The following WWC2 variants were observed in gnomAD, a reference collection of about 807,000 sequenced individuals.
The protein encoded by WWC2 is protein WWC2.
A neutral mutation model predicts 138.5 loss-of-function variants in WWC2; 101 were observed. The observed-to-expected ratio is 0.73, with a 90% CI of 0.62 to 0.86. WWC2 has a LOEUF of 0.86. WWC2 is among the 40% of genes least tolerant of loss of function. The pLI, the probability that WWC2 is intolerant of heterozygous loss-of-function variation, is 0.00. For synonymous variants in WWC2, 558 were observed against 538.4 expected (o/e 1.04, Z -0.50); for missense variants, 1,420 against 1,419.4 (o/e 1.00, Z -0.01).
At chr4:183,233,148 CTTTTTT>C (rs543576361) in intron 4 of WWC2, among the ~76,000 whole-genome samples, 41 of 84,772 alleles carry the variant, frequency 4.8e-4, no homozygotes, top group African/African-American at 1.9e-3. Context: ...CTTTTTAAAC[CTTTTTT>C]TTTTTTTTTT....
At chr4:183,300,700 A>G (rs1201412653) in intron 21 of WWC2, among the ~76,000 whole-genome samples, 2 of 152,040 alleles carry the variant, frequency 1.3e-5, no homozygotes, top group East Asian at 1.9e-4. Context: ...TCAGTAAAGT[A>G]TATTCTTACT....
At chr4:183,171,561 T>C (rs1734280585) in intron 1 of WWC2, among the ~76,000 whole-genome samples, 1 of 152,180 alleles carries the variant, frequency 6.6e-6, no homozygotes, top group African/African-American at 2.4e-5. Flanking sequence ...AGGGAAACTT[T>C]TCTGACTTTT....
Position 183,319,882 on chromosome 4 carries a change from C to G in WWC2, c.*4153C>G. The G allele has an allele frequency of 1.2e-6, 2 of 1,613,920 alleles. No homozygotes were observed. Among genetic ancestry groups the G allele is most frequent in the Non-Finnish European group, 1.7e-6 (2 of 1,179,864 alleles). On this transcript the variant is annotated 3_prime_UTR_variant, in exon 23 of 23. Transcript: ENST00000403733. ...AGGATCAGCAGTCGCCTCTTGAGATCTCTCTGACTCTCTCCAATTCTCAAA... is the reference window on the plus strand; with the variant it reads ...AGGATCAGCAGTCGCCTCTTGAGATGTCTCTGACTCTCTCCAATTCTCAAA...
At chr4:183,294,369 A>G (rs537919757) in intron 21 of WWC2, among the ~76,000 whole-genome samples, 1 of 152,342 alleles carries the variant, frequency 6.6e-6, no homozygotes, top group Admixed American at 6.5e-5. Flanking sequence ...TAACAAGGAG[A>G]GGGACTTGCC....
intron 1 of WWC2, among the ~76,000 whole-genome samples, chr4:183,146,039 A>G (rs1394871208): frequency 6.6e-6 from 1 of 152,204 alleles, no homozygotes; most frequent in Non-Finnish European, 1.5e-5. Context: ...TCTCATATCG[A>G]TGGTAGGAAG....
intron 1 of WWC2, among the ~76,000 whole-genome samples, chr4:183,099,859 T>C (rs927239890): frequency 2.0e-5 from 3 of 152,094 alleles, no homozygotes; most frequent in African/African-American, 7.2e-5. Context: ...CTGGAGTCGC[T>C]GCCCCGGGCC....
At chr4:183,182,038 C>T (rs572339144) in intron 1 of WWC2, among the ~76,000 whole-genome samples, 5 of 152,228 alleles carry the variant, frequency 3.3e-5, no homozygotes, top group African/African-American at 1.2e-4. Context: ...ATTATATCTA[C>T]ATATGTATAT....
intron 11 of WWC2, among the ~76,000 whole-genome samples, chr4:183,261,916 A>G (rs1338119237): frequency 6.6e-6 from 1 of 152,208 alleles, no homozygotes; most frequent in East Asian, 1.9e-4. Flanking sequence ...GGCAATTAAC[A>G]TAGTAGCTAA....
In WWC2 at chr4:183,316,161, G is replaced by A. The variant is rs980508213; in HGVS notation, c.*432G>A. On this transcript the variant is annotated 3_prime_UTR_variant, in exon 23 of 23. Transcript: ENST00000403733. ...CAGCAGCGCCACGTGGTATCTGTGC[G>A]CTGGCGAGGAGAGGAGCGCTTTCCA... The A allele has an allele frequency of 3.6e-5, 6 of 167,700 alleles. No individual in the cohort carries two copies. Among genetic ancestry groups the A allele is most frequent in the African/African-American group, 4.8e-5 (2 of 41,636 alleles). The allele number at this position is 167,700 out of a possible 1,614,324, so 10.4% of individuals were successfully genotyped here. A position where few individuals can be genotyped will look rare whatever the true frequency, so the allele number is the denominator to read the frequency against.
At chr4:183,307,743 A>G (rs902570653) in intron 21 of WWC2, among the ~76,000 whole-genome samples, 1 of 152,226 alleles carries the variant, frequency 6.6e-6, no homozygotes, top group African/African-American at 2.4e-5. Flanking sequence ...AGAAAACTCT[A>G]CAACTAACAT....
At chr4:183,112,689 CAG>C (rs777108393) in intron 1 of WWC2, among the ~76,000 whole-genome samples, 3 of 151,974 alleles carry the variant, frequency 2.0e-5, no homozygotes, top group South Asian at 2.1e-4. Flanking sequence ...GGAAGGCAAA[CAG>C]ATTCTAAAGA....
In WWC2 at chr4:183,319,662, G is replaced by T; in HGVS notation, c.*3933G>T. On this transcript the variant is annotated 3_prime_UTR_variant, in exon 23 of 23. Coordinates refer to ENST00000403733, the MANE Select transcript of WWC2 (RefSeq NM_024949.6). ...TAGGGGAGCGTGGCTGGAGCAGGCT[G>T]CACAGTGGAGCAGACACCCTCCTAG... The T allele has an allele frequency of 6.2e-7, 1 of 1,614,186 alleles. No individual in the cohort carries two copies. The highest frequency in any genetic ancestry group is 8.5e-7 in the Non-Finnish European group (1 of 1,180,024).
chr4:183,107,241 C>G (rs1352702285), intron 1 of WWC2, among the ~76,000 whole-genome samples: 1 of 149,772 alleles, frequency 6.7e-6, no homozygotes, highest in Non-Finnish European at 1.5e-5. Flanking sequence ...CTGCGGCTTC[C>G]ACCTCCACCT....
intron 21 of WWC2, among the ~76,000 whole-genome samples, chr4:183,301,796 A>T (rs2111101792): frequency 6.6e-6 from 1 of 152,380 alleles, no homozygotes; most frequent in East Asian, 1.9e-4. Context: ...CAAAAACTAG[A>T]AGTCCTTCTT....
chr4:183,175,437 A>AT (rs1734438025), intron 1 of WWC2, among the ~76,000 whole-genome samples: 1 of 151,700 alleles, frequency 6.6e-6, no homozygotes, highest in Admixed American at 6.6e-5. Flanking sequence ...AATTTTTTGT[A>AT]TTTTTTGTAG....
chr4:183,280,995 G>T (rs11132174), intron 17 of WWC2, 98 bp downstream of exon 17: 1,440,456 of 1,450,012 alleles, frequency 0.99, 715,988 homozygotes, highest in East Asian at 1. Context: ...ATTCCAGAAT[G>T]ATGGAATGCA....
intron 4 of WWC2, chr4:183,233,957 CA>C (rs957801253): frequency 6.6e-6 from 1 of 152,186 alleles, no homozygotes; most frequent in Non-Finnish European, 1.5e-5. Context: ...AAAGGGAAGG[CA>C]GTCATTAGTA....
intron 16 of WWC2, among the ~76,000 whole-genome samples, 200 bp from the exon 17 acceptor site, chr4:183,280,576 C>G (rs548158950): frequency 3.3e-5 from 5 of 152,148 alleles, no homozygotes; most frequent in African/African-American, 1.2e-4. Context: ...GTCCTGATTG[C>G]CTTTGTTGCT....
At chr4:183,284,172 G>A in intron 18 of WWC2, 54 bp from the exon 19 acceptor site, 1 of 1,594,014 alleles carries the variant, frequency 6.3e-7, no homozygotes, top group South Asian at 1.1e-5. Context: ...GAAGAAAGGA[G>A]CATAATGTTT....
Sources: allele counts gnomAD v4.1 joint callset (sites outside exome capture counted in the v4.1 genomes callset), GRCh38; gene constraint gnomAD v4.1.1; transcripts MANE v1.5; gene names NCBI Gene and HGNC (gene_info 2026-07-23, HGNC 2026-07-21).